Variants in PDCL2 observed in about 807,000 individuals in gnomAD.
PDCL2 encodes phosducin like 2, also known as phosducin-like protein 2.
A neutral mutation model predicts 30.3 loss-of-function variants in PDCL2; 23 were observed. The observed-to-expected ratio is 0.76, with a 90% CI of 0.55 to 1.08. PDCL2 has a LOEUF of 1.08. Ranked by LOEUF, PDCL2 falls within the 50% of genes least tolerant of loss-of-function variation. The pLI, the probability that PDCL2 is intolerant of heterozygous loss-of-function variation, is 0.00. For missense variants in PDCL2, 243 were observed against 282.3 expected (o/e 0.86, Z 1.00); for synonymous variants, 68 against 86.2 (o/e 0.79, Z 1.17).
At position 55,562,419 on chromosome 4, in the gene PDCL2, T is replaced by G; in HGVS notation, c.556A>C (p.Asn186His). ...FIGIIECGGI[N>H]LKLEELEWKL... ...GTAACATTACCTTCCAGCTTGAGATTTATCCCTCCACATTCTATAATTCCA... is the reference window on the plus strand; with the variant it reads ...GTAACATTACCTTCCAGCTTGAGATGTATCCCTCCACATTCTATAATTCCA... Residue 186 changes from asparagine (N) to histidine (H), a missense_variant, in exon 5 of 6, where the codon AAT (asparagine) becomes CAT (histidine). Coordinates refer to ENST00000295645, the MANE Select transcript of PDCL2 (RefSeq NM_152401.3). 1 of 1,413,642 alleles carries G rather than the reference T, an allele frequency of 7.1e-7. No individual in the cohort carries two copies. The highest frequency in any genetic ancestry group is 9.3e-7 in the Non-Finnish European group (1 of 1,076,660). The allele number at this position is 1,413,642 out of a possible 1,614,324, so 87.6% of individuals were successfully genotyped here.
At chr4:55,573,341 T>C (rs1308732158) in intron 3 of PDCL2, among the ~76,000 whole-genome samples, 1 of 152,168 alleles carries the variant, frequency 6.6e-6, no homozygotes, top group African/African-American at 2.4e-5. Flanking sequence ...CCTTGTTATT[T>C]TACAGCTAAT....
In PDCL2 at chr4:55,592,137, C is replaced by T; in HGVS notation, c.-28G>A. On this transcript the variant is annotated 5_prime_UTR_variant, in exon 1 of 6. Coordinates refer to ENST00000295645, the MANE Select transcript of PDCL2 (RefSeq NM_152401.3). ...TGCGCTGCTCTGCCCCTCAAGAGCC[C>T]GCGTCGTCCTGCAGCTGGCGAGGCG... 1.9e-6 allele frequency: 3 copies of T among 1,607,596 alleles called. No homozygotes were observed. The highest frequency in any genetic ancestry group is 2.5e-6 in the Non-Finnish European group (3 of 1,177,708).
rs576743881 is a variant in PDCL2 at position 55,586,189 on chromosome 4, C to G, written c.7-3952G>C. Reference sequence around the variant, plus strand: ...TTTGTTTTTCTCAATATATTTTAAACTTTCTCTTCTAATTTCTTCTTTGAC... The same window carrying G: ...TTTGTTTTTCTCAATATATTTTAAAGTTTCTCTTCTAATTTCTTCTTTGAC... On this transcript the variant is annotated intron_variant, in intron 1 of 5. Coordinates refer to ENST00000295645, the MANE Select transcript of PDCL2 (RefSeq NM_152401.3). Among the ~76,000 whole-genome samples, 28 of 152,152 alleles carry G rather than the reference C, an allele frequency of 1.8e-4. No individual in the cohort carries two copies. The South Asian group carries it at 5.6e-3, about 30-fold the overall frequency.
chr4:55,589,459 T>C (rs985182670), intron 1 of PDCL2, among the ~76,000 whole-genome samples: 1 of 152,232 alleles, frequency 6.6e-6, no homozygotes, highest in Non-Finnish European at 1.5e-5. Context: ...CGACTCAGGT[T>C]ACAAATCCAT....
intron 4 of PDCL2, among the ~76,000 whole-genome samples, chr4:55,565,973 GTTTTTTTTTTT>G (rs71194595): frequency 2.7e-5 from 2 of 74,502 alleles, no homozygotes; most frequent in East Asian, 9.1e-4. Flanking sequence ...CCATTTTTCT[GTTTTTTTTTTT>G]TTTTTTTTTT....
At chr4:55,570,015 ATT>A (rs1352442631) in intron 3 of PDCL2, among the ~76,000 whole-genome samples, 154 bp from the exon 4 acceptor site, 1 of 152,110 alleles carries the variant, frequency 6.6e-6, no homozygotes, top group Non-Finnish European at 1.5e-5. Context: ...TATAAAACCA[ATT>A]TCTCTTTTTA....
intron 1 of PDCL2, among the ~76,000 whole-genome samples, chr4:55,587,458 T>C: frequency 6.6e-6 from 1 of 152,096 alleles, no homozygotes; most frequent in Middle Eastern, 3.2e-3. Context: ...TTGTTGAGTT[T>C]TAGGAAGTCT....
intron 2 of PDCL2, 95 bp from the exon 3 acceptor site, chr4:55,581,006 TC>T: frequency 3.7e-6 from 3 of 813,972 alleles, no homozygotes; most frequent in Middle Eastern, 3.8e-4. Flanking sequence ...ACAAAGGAGA[TC>T]AACAGTATCT....
intron 4 of PDCL2, among the ~76,000 whole-genome samples, chr4:55,567,425 C>CT: frequency 6.6e-6 from 1 of 152,176 alleles, no homozygotes. Flanking sequence ...GTCCAAGCTA[C>CT]TTGGAGGACT....
intron 1 of PDCL2, 108 bp from the exon 2 acceptor site, chr4:55,582,345 T>C: frequency 8.1e-7 from 1 of 1,240,732 alleles, no homozygotes; most frequent in South Asian, 1.7e-5. Context: ...GTTCATGAAC[T>C]CTACAGTTAA....
intron 4 of PDCL2, among the ~76,000 whole-genome samples, chr4:55,568,616 G>A (rs1269889955): frequency 6.6e-6 from 1 of 152,162 alleles, no homozygotes; most frequent in Non-Finnish European, 1.5e-5. Flanking sequence ...TTATGTAGAA[G>A]AACGTTCTTG....
intron 1 of PDCL2, among the ~76,000 whole-genome samples, chr4:55,590,560 C>G (rs1732974896): frequency 6.6e-6 from 1 of 151,770 alleles, no homozygotes; most frequent in South Asian, 2.1e-4. Context: ...ACTCTCAGCT[C>G]ACTGCATCCT....
intron 3 of PDCL2, among the ~76,000 whole-genome samples, chr4:55,577,311 T>C (rs889314001): frequency 6.6e-6 from 1 of 152,174 alleles, no homozygotes; most frequent in Non-Finnish European, 1.5e-5. Flanking sequence ...GGGGATTAGG[T>C]TTCAACATAT....
chr4:55,570,807 A>G (rs1165970573), intron 3 of PDCL2, among the ~76,000 whole-genome samples: 3 of 152,222 alleles, frequency 2.0e-5, no homozygotes, highest in Non-Finnish European at 2.9e-5. Flanking sequence ...ACTGTCTGCA[A>G]GTTTATTAAC....
chr4:55,562,479 C>G lies in PDCL2; in HGVS notation c.496G>C (p.Val166Leu), dbSNP rs779415306. ...GCTTCTATCTGACCATTTTTATACA[C>G]AAAAATTGTTGGTAAACAATTGTCA... ...YHDNCLPTIF[V>L]YKNGQIEAKF... is the part of the protein sequence containing the mutation. Residue 166 changes from valine (V) to leucine (L), a missense_variant, in exon 5 of 6, where the codon GTG becomes CTG. Val to Leu is a conservative substitution (Grantham distance 32). Coordinates refer to ENST00000295645, the MANE Select transcript of PDCL2 (RefSeq NM_152401.3). 6.4e-7 allele frequency: 1 copy of G among 1,554,094 alleles called. No individual in the cohort carries two copies. Among genetic ancestry groups the G allele is most frequent in the South Asian group, 1.2e-5 (1 of 80,768 alleles).
chr4:55,582,420 A>G (rs1331229811), intron 1 of PDCL2, among the ~76,000 whole-genome samples, 183 bp from the exon 2 acceptor site: 1 of 152,220 alleles, frequency 6.6e-6, no homozygotes, highest in East Asian at 1.9e-4. Context: ...ATGGGATTAT[A>G]TGCTCCACTC....
chr4:55,582,998 G>C (rs561167703), intron 1 of PDCL2, among the ~76,000 whole-genome samples: 1 of 152,044 alleles, frequency 6.6e-6, no homozygotes, highest in Admixed American at 6.6e-5. Context: ...TTGAGACAGA[G>C]AGATTCTTGC....
intron 3 of PDCL2, among the ~76,000 whole-genome samples, chr4:55,579,183 T>A (rs1423200834): frequency 6.6e-6 from 1 of 152,176 alleles, no homozygotes; most frequent in African/African-American, 2.4e-5. Context: ...GGGACTTTTT[T>A]TTTTTTTAAG....
At chr4:55,566,815 A>G (rs1395011143) in intron 4 of PDCL2, among the ~76,000 whole-genome samples, 3 of 95,250 alleles carry the variant, frequency 3.1e-5, no homozygotes, top group Non-Finnish European at 6.9e-5. Flanking sequence ...AGGTTTACTT[A>G]AAGTATTATG....
Sources: gnomAD v4.1 joint callset for allele counts (sites outside exome capture counted in the v4.1 genomes callset) on GRCh38, gnomAD v4.1.1 for gene constraint, MANE v1.5 for transcripts, NCBI Gene and HGNC (gene_info 2026-07-23, HGNC 2026-07-21) for gene names.